ADGRL2: variants seen among roughly 807,000 people sequenced by gnomAD.
ADGRL2 encodes the protein adhesion G protein-coupled receptor L2.
Under a neutral mutation model 157.4 loss-of-function variants are expected in ADGRL2, and 44 were observed. The ratio of observed to expected loss-of-function variants is 0.28; its 90% CI spans 0.22 to 0.36. ADGRL2 has a LOEUF of 0.36. Among genes scored for constraint, ADGRL2 ranks in the 10% least tolerant of loss-of-function variants. The pLI is 1.00. For synonymous variants in ADGRL2, 585 were observed against 624.7 expected (o/e 0.94, Z 0.95); for missense variants, 1,510 against 1,768.9 (o/e 0.85, Z 2.63).
intron 1 of ADGRL2, among the ~76,000 whole-genome samples, chr1:81,336,056 G>A (rs973669136): frequency 5.9e-5 from 9 of 152,088 alleles, no homozygotes; most frequent in Admixed American, 5.9e-4. Context: ...GTAAGACAAG[G>A]GAGATTATTA....
chr1:81,754,087 C>T (rs937463466), intron 1 of ADGRL2, among the ~76,000 whole-genome samples: 5 of 152,108 alleles, frequency 3.3e-5, no homozygotes, highest in Admixed American at 3.3e-4. Flanking sequence ...TCCTCCTGAT[C>T]TGTCATGGTG....
intron 6 of ADGRL2, among the ~76,000 whole-genome samples, chr1:81,946,340 CTTT>C (rs397861989): frequency 7.8e-6 from 1 of 128,596 alleles, no homozygotes; most frequent in Non-Finnish European, 1.7e-5. Context: ...GTGCCTTAAT[CTTT>C]TTTTTTTTTT....
At chr1:81,539,402 C>T (rs1477724363) in intron 2 of ADGRL2, among the ~76,000 whole-genome samples, 1 of 152,226 alleles carries the variant, frequency 6.6e-6, no homozygotes, top group African/African-American at 2.4e-5. Context: ...TCTGGTCTCA[C>T]TTCTAACATA....
intron 2 of ADGRL2, among the ~76,000 whole-genome samples, chr1:81,529,556 T>C (rs924008420): frequency 2.0e-5 from 3 of 152,220 alleles, no homozygotes; most frequent in African/African-American, 7.2e-5. Context: ...ATGGGAAATA[T>C]AGAAAAAGTA....
chr1:81,845,919 T>A (rs567612508), intron 2 of ADGRL2, among the ~76,000 whole-genome samples: 2 of 152,096 alleles, frequency 1.3e-5, no homozygotes, highest in African/African-American at 4.8e-5. Flanking sequence ...TATTTTCTTT[T>A]GTGAGACCTT....
chr1:81,486,165 G>A (rs1395911953), intron 2 of ADGRL2, among the ~76,000 whole-genome samples: 1 of 152,182 alleles, frequency 6.6e-6, no homozygotes, highest in Admixed American at 6.5e-5. Flanking sequence ...AATCAGATGA[G>A]TAAATATGCC....
intron 1 of ADGRL2, among the ~76,000 whole-genome samples, chr1:81,421,107 T>C (rs575018265): frequency 7.2e-5 from 11 of 152,316 alleles, no homozygotes; most frequent in Non-Finnish European, 1.6e-4. Context: ...CAACATTGCA[T>C]TTAACAGAGC....
At chr1:81,728,598 C>T (rs1399848912) in intron 1 of ADGRL2, among the ~76,000 whole-genome samples, 2 of 152,062 alleles carry the variant, frequency 1.3e-5, no homozygotes, top group Admixed American at 1.3e-4. Flanking sequence ...AGAGAAAATG[C>T]AAATAAACCA....
Position 81,347,526 on chromosome 1 carries a change from G to C in ADGRL2, c.-302+41017G>C, listed in dbSNP as rs1570684375. Among the ~76,000 whole-genome samples the C allele has an allele frequency of 2.0e-5, 3 of 152,150 alleles. No individual in the cohort carries two copies. In the East Asian group the frequency reaches 5.8e-4, roughly 29 times the overall value. ...AATTGTTTCCTAGTATTTTGTGGTA[G>C]AACTTGCAAGCAATGCAATTGGATA... On this transcript the variant is annotated intron_variant, in intron 1 of 24. Coordinates refer to the ADGRL2 transcript ENST00000370721.
At chr1:81,773,862 G>A (rs954371610) in intron 2 of ADGRL2, among the ~76,000 whole-genome samples, 2 of 152,178 alleles carry the variant, frequency 1.3e-5, no homozygotes, top group African/African-American at 4.8e-5. Flanking sequence ...TGGAGACAAG[G>A]TCTTTAAAGA....
intron 1 of ADGRL2, among the ~76,000 whole-genome samples, chr1:81,812,625 C>G (rs966802292): frequency 3.3e-5 from 5 of 151,660 alleles, no homozygotes; most frequent in African/African-American, 1.2e-4. Flanking sequence ...GAGATCCCAG[C>G]TTTTTAGGTA....
intron 2 of ADGRL2, among the ~76,000 whole-genome samples, chr1:81,558,021 T>C (rs950504975): frequency 6.6e-6 from 1 of 152,242 alleles, no homozygotes; most frequent in Non-Finnish European, 1.5e-5. Context: ...GTTGAATGTC[T>C]GGCTTCTCTA....
At chr1:81,949,466 G>T (rs1445327049) in intron 6 of ADGRL2, among the ~76,000 whole-genome samples, 1 of 152,176 alleles carries the variant, frequency 6.6e-6, no homozygotes, top group Non-Finnish European at 1.5e-5. Flanking sequence ...AGATATGAAG[G>T]GTTGGTTTGA....
chr1:81,523,107 A>G (rs1200921016), intron 2 of ADGRL2, among the ~76,000 whole-genome samples: 1 of 152,198 alleles, frequency 6.6e-6, no homozygotes, highest in Non-Finnish European at 1.5e-5. Context: ...AAGTTCAAAA[A>G]CTACTGAAGA....
intron 2 of ADGRL2, among the ~76,000 whole-genome samples, chr1:81,577,636 C>G (rs1224130548): frequency 6.6e-6 from 1 of 152,152 alleles, no homozygotes; most frequent in Non-Finnish European, 1.5e-5. Context: ...CCAAATGTCA[C>G]TCACAGGATT....
intron 2 of ADGRL2, among the ~76,000 whole-genome samples, chr1:81,793,579 TACA>T (rs2149427224): frequency 6.6e-6 from 1 of 152,172 alleles, no homozygotes; most frequent in East Asian, 1.9e-4. Context: ...GTATATAAGG[TACA>T]ATATTTTACT....
At chr1:81,711,851 GA>G (rs2083940781) in intron 1 of ADGRL2, among the ~76,000 whole-genome samples, 1 of 152,154 alleles carries the variant, frequency 6.6e-6, no homozygotes, top group Non-Finnish European at 1.5e-5. Context: ...TTCACTTTGG[GA>G]ACCTACTCTA....
intron 1 of ADGRL2, among the ~76,000 whole-genome samples, chr1:81,438,185 C>A (rs2077443496): frequency 6.6e-6 from 1 of 152,030 alleles, no homozygotes; most frequent in Non-Finnish European, 1.5e-5. Flanking sequence ...TAAAAATGTA[C>A]CCACCAAAAA....
rs1312250931 is a variant in ADGRL2, at chr1:81,937,464, G to A, written c.397+627G>A. 1.3e-5 allele frequency among the ~76,000 whole-genome samples: 2 copies of A among 151,828 alleles called. 1 individual carries two copies. The highest frequency in any genetic ancestry group is 3.9e-4 in the East Asian group (2 of 5,190). On this transcript the variant is annotated intron_variant, in intron 4 of 23. Coordinates refer to ENST00000686636, the MANE Select transcript of ADGRL2 (RefSeq NM_001366006.2). ...TTAAAATTCAATTGAAAAGTTTATA[G>A]GTAGGCTTCGGCCAGTAGTCAAATT...
Sources: allele counts gnomAD v4.1 joint callset (sites outside exome capture counted in the v4.1 genomes callset), GRCh38; gene constraint gnomAD v4.1.1; transcripts MANE v1.5; gene names NCBI Gene and HGNC (gene_info 2026-07-23, HGNC 2026-07-21).